PHF21A: variants seen among roughly 807,000 people sequenced by gnomAD.
PHF21A encodes the protein PHD finger protein 21A.
In PHF21A, 11 loss-of-function variants were observed where a neutral mutation model predicts 82.5. That is an observed-to-expected ratio of 0.13 (90% CI 0.08 to 0.22). PHF21A has a LOEUF of 0.22. Among genes scored for constraint, PHF21A ranks in the 10% least tolerant of loss-of-function variants. The pLI, the probability that PHF21A is intolerant of heterozygous loss-of-function variation, is 1.00. For missense variants in PHF21A, 579 were observed against 837.8 expected (o/e 0.69, Z 3.81); for synonymous variants, 297 against 302.8 (o/e 0.98, Z 0.20).
chr11:45,957,751 C>CAAAA, intron 10 of PHF21A, among the ~76,000 whole-genome samples: 5 of 60,908 alleles, frequency 8.2e-5, no homozygotes, highest in Non-Finnish European at 1.3e-4. Context: ...AAATTCAAAG[C>CAAAA]AAAAAAAAAA....
rs1444195164 is a variant in PHF21A at position 46,108,179 on chromosome 11, CAG to C, written c.-237+12754_-237+12755del. ...CCTAACAACCAAGAAGAGAGATTAC[CAG>C]TTTTTTTAAATGTTATTTGAAAACA... On this transcript the variant is annotated intron_variant, in intron 1 of 18. Coordinates refer to ENST00000676320, the MANE Select transcript of PHF21A (RefSeq NM_001352027.3). Among the ~76,000 whole-genome samples the C allele has an allele frequency of 3.3e-5, 5 of 152,116 alleles. No homozygotes were observed. In the East Asian group the frequency reaches 9.7e-4, roughly 29 times the overall value.
At chr11:46,000,803 C>T (rs934449021) in intron 6 of PHF21A, among the ~76,000 whole-genome samples, 79 of 152,010 alleles carry the variant, frequency 5.2e-4, no homozygotes, top group African/African-American at 1.8e-3. Flanking sequence ...GCCTGTAATC[C>T]CAGCTACTTG....
intron 10 of PHF21A, among the ~76,000 whole-genome samples, chr11:45,959,728 T>A (rs1374665463): frequency 6.6e-6 from 1 of 152,142 alleles, no homozygotes; most frequent in African/African-American, 2.4e-5. Context: ...CAGCTGTGTA[T>A]CAAAGGACTG....
At chr11:46,110,276 A>T (rs2097197351) in intron 1 of PHF21A, among the ~76,000 whole-genome samples, 3 of 152,140 alleles carry the variant, frequency 2.0e-5, no homozygotes, top group Admixed American at 2.0e-4. Context: ...GCAAGGATGA[A>T]CTTCCCAAGA....
chr11:46,077,670 G>C (rs1317223724), intron 5 of PHF21A, among the ~76,000 whole-genome samples: 1 of 152,148 alleles, frequency 6.6e-6, no homozygotes, highest in Non-Finnish European at 1.5e-5. Context: ...TTTTTTATTA[G>C]TGTATTTGAC....
chr11:46,007,537 C>A (rs904470730), intron 6 of PHF21A, among the ~76,000 whole-genome samples: 2 of 152,172 alleles, frequency 1.3e-5, no homozygotes, highest in Non-Finnish European at 2.9e-5. Flanking sequence ...TGGTCTCGAA[C>A]TCCTGACCTC....
intron 6 of PHF21A, among the ~76,000 whole-genome samples, chr11:46,016,296 T>C (rs775338999): frequency 2.8e-4 from 43 of 152,206 alleles, no homozygotes; most frequent in Non-Finnish European, 3.7e-4. Flanking sequence ...ATTTCATGAC[T>C]CAAAATTTCC....
At chr11:45,953,776 A>G in intron 10 of PHF21A, 151 bp from the exon 11 acceptor site, 2 of 591,238 alleles carry the variant, frequency 3.4e-6, no homozygotes, top group Non-Finnish European at 3.0e-6. Context: ...TATAGATTTC[A>G]TTGGGGGAGG....
At chr11:45,982,176 C>T (rs554597057) in intron 6 of PHF21A, among the ~76,000 whole-genome samples, 2 of 152,102 alleles carry the variant, frequency 1.3e-5, no homozygotes, top group South Asian at 4.1e-4. Context: ...AGGCTGGTCT[C>T]AAACTCCTGA....
At chr11:46,105,155 G>A (rs2097139561) in intron 1 of PHF21A, among the ~76,000 whole-genome samples, 1 of 152,192 alleles carries the variant, frequency 6.6e-6, no homozygotes, top group Non-Finnish European at 1.5e-5. Flanking sequence ...CACAGTCAGA[G>A]CTAATACGTG....
intron 6 of PHF21A, among the ~76,000 whole-genome samples, chr11:46,076,445 A>G (rs547100362): frequency 6.6e-6 from 1 of 152,340 alleles, no homozygotes; most frequent in South Asian, 2.1e-4. Flanking sequence ...TCTATCACCT[A>G]TTCTCACTAA....
intron 6 of PHF21A, among the ~76,000 whole-genome samples, chr11:46,021,541 T>C (rs2095632033): frequency 1.3e-5 from 2 of 152,088 alleles, no homozygotes; most frequent in South Asian, 4.2e-4. Flanking sequence ...TGCATGTGTG[T>C]GTGCATGTGT....
intron 14 of PHF21A, among the ~76,000 whole-genome samples, chr11:45,948,607 T>C (rs917314169): frequency 1.3e-5 from 2 of 152,258 alleles, no homozygotes; most frequent in Non-Finnish European, 2.9e-5. Flanking sequence ...GTGCTATTCA[T>C]GGATGGCCTG....
rs2096197157 is a variant in PHF21A, at chr11:46,043,554, T to C, written c.153+33200A>G. ...CCTAGTGAAGCTTTGGCCCCTGAAGTGATAAAGACGAGCTCTGCCAAACTG... is the reference window on the plus strand; with the variant it reads ...CCTAGTGAAGCTTTGGCCCCTGAAGCGATAAAGACGAGCTCTGCCAAACTG... On this transcript the variant is annotated intron_variant, in intron 6 of 18. Transcript: ENST00000676320. Among the ~76,000 whole-genome samples, 5 of 151,936 alleles carry C rather than the reference T, an allele frequency of 3.3e-5. No homozygotes were observed. The South Asian group carries it at 1.0e-3, about 31-fold the overall frequency.
chr11:45,963,393 T>G, intron 10 of PHF21A, among the ~76,000 whole-genome samples: 1 of 147,186 alleles, frequency 6.8e-6, no homozygotes, highest in East Asian at 2.0e-4. Flanking sequence ...GCACTCCAGC[T>G]TGGGTGACAA....
At chr11:46,019,089 T>G (rs898805466) in intron 6 of PHF21A, among the ~76,000 whole-genome samples, 1 of 152,138 alleles carries the variant, frequency 6.6e-6, no homozygotes, top group South Asian at 2.1e-4. Flanking sequence ...CTAATTTTTT[T>G]TTTTTTTTAA....
Position 45,931,257 on chromosome 11 carries a change from T to C in PHF21A, c.*2711A>G, listed in dbSNP as rs2087635847. On this transcript the variant is annotated 3_prime_UTR_variant, in exon 19 of 19. Coordinates refer to ENST00000676320, the MANE Select transcript of PHF21A (RefSeq NM_001352027.3). ...AGTGATGATGGTTTCCCAACTTCTT[T>C]CAGGAAAAGGTAAGTTAGGTGTTGT... The C allele has an allele frequency of 7.4e-6, 1 of 135,682 alleles. No individual in the cohort carries two copies. Among genetic ancestry groups the C allele is most frequent in the South Asian group, 2.6e-4 (1 of 3,876 alleles). The allele number at this position is 135,682 out of a possible 1,614,324, so 8.4% of individuals were successfully genotyped here.
At chr11:46,094,911 AT>A (rs1431470215) in intron 1 of PHF21A, among the ~76,000 whole-genome samples, 4 of 152,106 alleles carry the variant, frequency 2.6e-5, no homozygotes, top group African/African-American at 7.2e-5. Flanking sequence ...AAAAAGACAA[AT>A]CATGAAATCC....
At chr11:45,964,200 A>AAATAATAATAATAATAAT (rs58644528) in intron 10 of PHF21A, among the ~76,000 whole-genome samples, 20,164 of 134,352 alleles carry the variant, frequency 0.15, 1,786 homozygotes, top group Non-Finnish European at 0.18. Context: ...CTCCATCTCA[A>AAATAATAATAATAATAAT]AATAATAATA....
Sources: allele counts gnomAD v4.1 joint callset (sites outside exome capture counted in the v4.1 genomes callset), GRCh38; gene constraint gnomAD v4.1.1; transcripts MANE v1.5; gene names NCBI Gene and HGNC (gene_info 2026-07-23, HGNC 2026-07-21).